Variants in HSP90AA1 observed in about 807,000 individuals in gnomAD.
HSP90AA1 encodes heat shock protein 90 alpha family class A member 1.
Under a neutral mutation model 73.3 loss-of-function variants are expected in HSP90AA1, and 18 were observed. The ratio of observed to expected loss-of-function variants is 0.25; its 90% CI spans 0.17 to 0.36. The LOEUF is 0.36. Ranked by LOEUF, HSP90AA1 falls within the 10% of genes least tolerant of loss-of-function variation. The pLI is 1.00. For synonymous variants in HSP90AA1, 477 were observed against 296.9 expected (o/e 1.61, Z -6.24); for missense variants, 704 against 874.2 (o/e 0.81, Z 2.45).
intron 1 of HSP90AA1, among the ~76,000 whole-genome samples, chr14:102,133,809 T>G (rs943764463): frequency 2.6e-5 from 4 of 151,938 alleles, no homozygotes; most frequent in African/African-American, 9.7e-5. Context: ...GAATACACTA[T>G]GAAGGAGAAA....
rs80020850 is a variant in HSP90AA1 at position 102,082,104 on chromosome 14, G to T, written c.2089+7C>A. ...TTCTTTTTAACATTACATAGTATAA[G>T]GCTTACCCAGACCAAGTTTGATCAT... On this transcript the variant is annotated splice_region_variant and intron_variant, in intron 10 of 10. Coordinates refer to ENST00000216281, the MANE Select transcript of HSP90AA1 (RefSeq NM_005348.4). The T allele has an allele frequency of 1.8e-3, 2,819 of 1,579,444 alleles. 44 individuals are homozygous for T. In the African/African-American group the frequency reaches 0.033, roughly 18 times the overall value.
upstream of HSP90AA1, chr14:102,087,328 T>A: frequency 7.4e-6 from 2 of 270,518 alleles, no homozygotes; most frequent in Non-Finnish European, 1.1e-5. Context: ...CCCGGAATTC[T>A]CGGGAAGGTC....
At chr14:102,082,627 A>C in intron 9 of HSP90AA1, 183 bp from the exon 10 acceptor site, 1 of 626,520 alleles carries the variant, frequency 1.6e-6, no homozygotes, top group South Asian at 1.9e-5. Flanking sequence ...TTACATGCAC[A>C]ATTTTTTTTT....
chr14:102,135,705 G>C (rs1202895953), intron 1 of HSP90AA1, among the ~76,000 whole-genome samples: 1 of 152,260 alleles, frequency 6.6e-6, no homozygotes, highest in Non-Finnish European at 1.5e-5. Flanking sequence ...AGCGCCGGTG[G>C]GCCGGCACTG....
intron 1 of HSP90AA1, among the ~76,000 whole-genome samples, chr14:102,132,965 A>T (rs1031912090): frequency 1.6e-4 from 22 of 140,040 alleles, no homozygotes; most frequent in Admixed American, 7.2e-4. Context: ...GTCTCAAAAA[A>T]AAAAATAAAA....
chr14:102,085,045 A>C, intron 4 of HSP90AA1, 47 bp from the exon 5 acceptor site: 1 of 1,613,762 alleles, frequency 6.2e-7, no homozygotes, highest in Non-Finnish European at 8.5e-7. Flanking sequence ...CTCCAGAACT[A>C]AGCGACAGCG....
At chr14:102,124,623 T>G (rs2049819413) in intron 1 of HSP90AA1, among the ~76,000 whole-genome samples, 1 of 151,584 alleles carries the variant, frequency 6.6e-6, no homozygotes, top group Admixed American at 6.6e-5. Flanking sequence ...AATGTAAACT[T>G]GAACTCCTGG....
chr14:102,105,696 C>T (rs2049558604), intron 1 of HSP90AA1, among the ~76,000 whole-genome samples: 1 of 152,148 alleles, frequency 6.6e-6, no homozygotes, highest in South Asian at 2.1e-4. Flanking sequence ...GTCATTCATT[C>T]TGAGATTTGT....
intron 1 of HSP90AA1, among the ~76,000 whole-genome samples, chr14:102,122,824 T>C (rs138083547): frequency 0.054 from 8,123 of 151,448 alleles, 245 homozygotes; most frequent in Middle Eastern, 0.088. Flanking sequence ...CCTGCCACCA[T>C]GCCCAGCTGA....
Position 102,085,017 on chromosome 14 carries a change from A to T in HSP90AA1, c.664-19T>A, listed in dbSNP as rs545397778. 4.3e-6 allele frequency: 7 copies of T among 1,613,964 alleles called. No homozygotes were observed. The South Asian group carries it at 7.7e-5, about 18-fold the overall frequency. ...TCTCCACCTTCAAAAGAAAACACGA[A>T]ATCACATCACTGCTGCACTCCAGAA... On this transcript the variant is annotated intron_variant, in intron 4 of 10. Coordinates refer to ENST00000216281, the MANE Select transcript of HSP90AA1 (RefSeq NM_005348.4).
chr14:102,085,477 G>C, intron 3 of HSP90AA1, 46 bp from the exon 4 acceptor site: 3 of 1,535,720 alleles, frequency 2.0e-6, no homozygotes, highest in East Asian at 2.3e-5. Context: ...TCAATTTAGT[G>C]CTCAACGCCA....
rs771473813 is a variant in HSP90AA1 at position 102,086,039 on chromosome 14, T to C, written c.248A>G (p.Asn83Ser). Residue 83 changes from asparagine to serine, a missense_variant, in exon 3 of 11, where the codon AAC becomes AGC. Transcript: ENST00000216281. ...GKELHINLIP[N>S]KQDRTLTIVD... ...AATAGTGAGAGTTCGATCTTGTTTGTTCGGTATAAGGTTAATATGCAGCTC... is the reference window on the plus strand; with the variant it reads ...AATAGTGAGAGTTCGATCTTGTTTGCTCGGTATAAGGTTAATATGCAGCTC... 12 of 1,613,828 alleles carry C rather than the reference T, an allele frequency of 7.4e-6. No individual in the cohort carries two copies. The highest frequency in any genetic ancestry group is 1.0e-5 in the Non-Finnish European group (12 of 1,179,862).
intron 1 of HSP90AA1, chr14:102,102,139 G>A (rs1266738087): frequency 3.3e-5 from 49 of 1,489,648 alleles, no homozygotes; most frequent in Non-Finnish European, 3.7e-5. Flanking sequence ...AACAGAGATA[G>A]GGCGGCAGAG....
intron 1 of HSP90AA1, among the ~76,000 whole-genome samples, chr14:102,110,896 T>C (rs1036820500): frequency 6.6e-6 from 1 of 151,936 alleles, no homozygotes; most frequent in African/African-American, 2.4e-5. Context: ...TTTTGTATTT[T>C]CAGTAGAAAT....
chr14:102,082,980 A>G (rs758428069), intron 9 of HSP90AA1, 54 bp downstream of exon 9: 1 of 1,565,074 alleles, frequency 6.4e-7, no homozygotes, highest in East Asian at 2.2e-5. Flanking sequence ...TGTATGACTA[A>G]GCTTGAAAGC....
intron 1 of HSP90AA1, among the ~76,000 whole-genome samples, chr14:102,115,770 C>G (rs1304958529): frequency 6.6e-6 from 1 of 151,940 alleles, no homozygotes; most frequent in Non-Finnish European, 1.5e-5. Context: ...AAAAATTTAT[C>G]TGATTCTAAA....
chr14:102,085,612 C>T, intron 3 of HSP90AA1, 146 bp downstream of exon 3: 8 of 1,322,278 alleles, frequency 6.1e-6, no homozygotes, highest in Non-Finnish European at 8.6e-6. Context: ...CAAGTCATGC[C>T]ATTACACTAA....
chr14:102,094,294 C>T lies in HSP90AA1; in HGVS notation c.366+7581G>A, dbSNP rs34323338. 8.4e-3 allele frequency among the ~76,000 whole-genome samples: 1,272 copies of T among 152,308 alleles called. 15 individuals carry two copies. The highest frequency in any genetic ancestry group is 0.029 in the African/African-American group (1,202 of 41,560). On this transcript the variant is annotated intron_variant, in intron 2 of 11. Transcript: ENST00000334701. The stretch of plus-strand genomic sequence containing the variant: ...CCACATTGATAAGCCAGAAATGGAG[C>T]CTTACTGTTCATTATTTGTCTGTTC...
At chr14:102,119,101 C>G (rs945086843) in intron 1 of HSP90AA1, among the ~76,000 whole-genome samples, 1 of 152,052 alleles carries the variant, frequency 6.6e-6, no homozygotes, top group African/African-American at 2.4e-5. Context: ...GCGATCCACC[C>G]TCCTCGCCTC....
Sources: gnomAD v4.1 joint callset for allele counts (sites outside exome capture counted in the v4.1 genomes callset) on GRCh38, gnomAD v4.1.1 for gene constraint, MANE v1.5 for transcripts, NCBI Gene and HGNC (gene_info 2026-07-23, HGNC 2026-07-21) for gene names.